The following MBD5 variants were observed in gnomAD, a reference collection of about 807,000 sequenced individuals.
The protein encoded by MBD5 is methyl-CpG binding domain protein 5.
In MBD5, 13 loss-of-function variants were observed where a neutral mutation model predicts 117.3. The observed-to-expected ratio is 0.11, with a 90% CI of 0.07 to 0.18. The LOEUF is 0.18. Among genes scored for constraint, MBD5 ranks in the 10% least tolerant of loss-of-function variants. The pLI is 1.00. For missense variants in MBD5, 1,879 were observed against 2,093.8 expected, an observed-to-expected ratio of 0.90 and a Z score of 2.00; for synonymous variants, 727 against 766.4, an observed-to-expected ratio of 0.95 and a Z score of 0.85.
chr2:148,237,068 T>C lies in MBD5; in HGVS notation c.-680+3673T>C, dbSNP rs183900084. 2.4e-4 allele frequency among the ~76,000 whole-genome samples: 36 copies of C among 152,324 alleles called. No individual in the cohort carries two copies. In the East Asian group the frequency reaches 4.8e-3, roughly 20 times the overall value. On this transcript the variant is annotated intron_variant, in intron 3 of 13. Transcript: ENST00000642680. ...GCTTCCTCACCTCTCTCAGCCTTCA[T>C]AGAACTGAAGAGAGTTAGGGCCTTT...
chr2:148,046,143 C>T lies in MBD5; in HGVS notation c.-925+24459C>T, dbSNP rs187762981. Among the ~76,000 whole-genome samples, 281 of 151,724 alleles carry T rather than the reference C, an allele frequency of 1.9e-3. 1 individual carries two copies. Among genetic ancestry groups the T allele is most frequent in the African/African-American group, 6.5e-3 (270 of 41,382 alleles). On this transcript the variant is annotated intron_variant, in intron 1 of 13. Coordinates refer to ENST00000642680, the MANE Select transcript of MBD5 (RefSeq NM_001378120.1). ...GGACTACAGGCGTGTGCCATCACAC[C>T]CAGCTAATTTTTGTATTTTTAGTAG... is the stretch of plus-strand genomic sequence containing the variant.
chr2:148,141,461 A>G (rs750389057), intron 1 of MBD5, among the ~76,000 whole-genome samples: 3 of 152,214 alleles, frequency 2.0e-5, no homozygotes, highest in Non-Finnish European at 2.9e-5. Context: ...CAGTAGTCTA[A>G]TAATTGAAGG....
chr2:148,029,908 A>C (rs555604477), intron 1 of MBD5, among the ~76,000 whole-genome samples: 1 of 152,322 alleles, frequency 6.6e-6, no homozygotes. Context: ...ATTAAATCTA[A>C]TGCATTGCTG....
intron 2 of MBD5, among the ~76,000 whole-genome samples, chr2:148,194,664 GAC>G (rs1370843324): frequency 8.1e-6 from 1 of 122,714 alleles, no homozygotes; most frequent in East Asian, 2.6e-4. Context: ...AATGCTAGAT[GAC>G]ACGTTAGTGG....
Position 148,119,370 on chromosome 2 carries a change from T to G in MBD5, c.-924-59330T>G, listed in dbSNP as rs182060067. Among the ~76,000 whole-genome samples, 4 of 152,310 alleles carry G rather than the reference T, an allele frequency of 2.6e-5. 1 individual carries two copies. In the East Asian group the frequency reaches 7.7e-4, roughly 29 times the overall value. On this transcript the variant is annotated intron_variant, in intron 1 of 13. Coordinates refer to ENST00000642680, the MANE Select transcript of MBD5 (RefSeq NM_001378120.1). ...ATTTTTAATTGAATTGTCTTTTTAT[T>G]ACTGAGTTTTAAGTGTTATTTATGT...
intron 1 of MBD5, among the ~76,000 whole-genome samples, chr2:148,162,971 A>C (rs1165336640): frequency 1.3e-5 from 2 of 152,212 alleles, no homozygotes; most frequent in Non-Finnish European, 2.9e-5. Context: ...TTGATACTAA[A>C]AGTAAGTTGT....
intron 1 of MBD5, among the ~76,000 whole-genome samples, chr2:148,111,988 T>G (rs562689694): frequency 6.6e-6 from 1 of 152,320 alleles, no homozygotes; most frequent in Non-Finnish European, 1.5e-5. Context: ...AATATTTTAT[T>G]GAACCATACT....
chr2:148,399,418 G>A (rs895444324), intron 4 of MBD5, among the ~76,000 whole-genome samples: 1 of 152,072 alleles, frequency 6.6e-6, no homozygotes, highest in African/African-American at 2.4e-5. Context: ...TGAAGCAATT[G>A]TGAATGGGAG....
At chr2:148,111,690 GT>G (rs1318742703) in intron 1 of MBD5, among the ~76,000 whole-genome samples, 1 of 152,014 alleles carries the variant, frequency 6.6e-6, no homozygotes, top group Non-Finnish European at 1.5e-5. Context: ...TATTTTCACA[GT>G]GTGTGCAACT....
rs140624631 is a variant in MBD5, at chr2:148,348,672, A to G, written c.-557+6336A>G. Among the ~76,000 whole-genome samples the G allele has an allele frequency of 9.1e-3, 1,378 of 152,160 alleles. 14 individuals are homozygous for G. Among genetic ancestry groups the G allele is most frequent in the Middle Eastern group, 0.044 (13 of 294 alleles). On this transcript the variant is annotated intron_variant, in intron 4 of 13. Transcript: ENST00000642680. ...AAGAATTTCAGTGTAAGTAGATTCA[A>G]TTGTTTTTATTTGTGTTAACAGAAG...
intron 4 of MBD5, among the ~76,000 whole-genome samples, chr2:148,352,075 T>C (rs1703263590): frequency 6.6e-6 from 1 of 151,904 alleles, no homozygotes; most frequent in Non-Finnish European, 1.5e-5. Context: ...CTTAAAAAGA[T>C]TTGTGTATCT....
At chr2:148,129,517 A>T (rs1242818337) in intron 1 of MBD5, among the ~76,000 whole-genome samples, 1 of 152,146 alleles carries the variant, frequency 6.6e-6, no homozygotes, top group Non-Finnish European at 1.5e-5. Context: ...AGAAATAAAT[A>T]AAATAGTGAC....
intron 1 of MBD5, among the ~76,000 whole-genome samples, chr2:148,147,503 G>A (rs148606944): frequency 2.0e-3 from 307 of 152,146 alleles, no homozygotes; most frequent in African/African-American, 6.8e-3. Context: ...GCCCCTCAAA[G>A]TGCTGGTATT....
chr2:148,055,043 G>A (rs1166373169), intron 1 of MBD5: 1 of 152,076 alleles, frequency 6.6e-6, no homozygotes. Flanking sequence ...ATTTTTATAT[G>A]TATATAATGC....
intron 1 of MBD5, among the ~76,000 whole-genome samples, chr2:148,154,223 T>TG (rs1409808042): frequency 6.6e-6 from 1 of 151,826 alleles, no homozygotes; most frequent in South Asian, 2.1e-4. Flanking sequence ...CTGCCCCTGC[T>TG]GGGGGGTGCC....
intron 1 of MBD5, among the ~76,000 whole-genome samples, chr2:148,154,109 T>TG (rs1558949625): frequency 9.9e-5 from 3 of 30,336 alleles, no homozygotes; most frequent in African/African-American, 1.9e-4. Context: ...GATGTACAGA[T>TG]GGGTTTTGGT....
At chr2:148,416,321 A>G (rs1705415990) in intron 4 of MBD5, among the ~76,000 whole-genome samples, 1 of 152,096 alleles carries the variant, frequency 6.6e-6, no homozygotes, top group East Asian at 1.9e-4. Context: ...TAAGGTTAGG[A>G]ACCTGCTGCA....
At chr2:148,255,359 C>T (rs903196570) in intron 3 of MBD5, among the ~76,000 whole-genome samples, 3 of 152,158 alleles carry the variant, frequency 2.0e-5, no homozygotes, top group Admixed American at 6.5e-5. Flanking sequence ...ACATGTGTCC[C>T]CCAGAGGAGG....
rs181128914 is a variant in MBD5 at position 148,187,361 on chromosome 2, C to G, written c.-831+8568C>G. On this transcript the variant is annotated intron_variant, in intron 2 of 13. Transcript: ENST00000642680. The stretch of plus-strand genomic sequence containing the variant: ...AGTGTCCTGATACTATGAGGCATAA[C>G]AAATATGGAATTGGAGTTGCAGAAG... Among the ~76,000 whole-genome samples the G allele has an allele frequency of 2.6e-4, 39 of 148,460 alleles. 1 individual carries two copies. The East Asian group carries it at 5.5e-3, about 21-fold the overall frequency.
Sources: gnomAD v4.1 joint callset for allele counts (sites outside exome capture counted in the v4.1 genomes callset) on GRCh38, gnomAD v4.1.1 for gene constraint, MANE v1.5 for transcripts, NCBI Gene and HGNC (gene_info 2026-07-23, HGNC 2026-07-21) for gene names.